Variants in TUSC3 observed in about 807,000 individuals in gnomAD.
The protein encoded by TUSC3 is dolichyl-diphosphooligosaccharide--protein glycosyltransferase subunit TUSC3.
TUSC3 carries 45 observed loss-of-function variants against 44.8 expected under a neutral mutation model. The ratio of observed to expected loss-of-function variants is 1.00; its 90% CI spans 0.79 to 1.29. The LOEUF is 1.29. TUSC3 is among the 50% of genes most tolerant of loss of function. TUSC3 has a pLI of 0.00. For missense variants in TUSC3, 519 were observed against 437.9 expected (o/e 1.19, Z -1.65); for synonymous variants, 212 against 152.9 (o/e 1.39, Z -2.85).
intron 9 of TUSC3, among the ~76,000 whole-genome samples, chr8:15,750,715 T>TA (rs1473564694): frequency 6.6e-6 from 1 of 152,136 alleles, no homozygotes; most frequent in Non-Finnish European, 1.5e-5. Flanking sequence ...ACATGCCACT[T>TA]ACGTTATTTC....
downstream of TUSC3, among the ~76,000 whole-genome samples, chr8:15,770,526 CATGTATCCCAGAACTTA>C (rs937608605): frequency 1.3e-5 from 2 of 152,062 alleles, no homozygotes; most frequent in African/African-American, 4.8e-5. Flanking sequence ...ATGTTTTGCA[CATGTATCCCAGAACTTA>C]AAGTATAATT....
chr8:15,541,109 TGA>T (rs1263394035), intron 1 of TUSC3, among the ~76,000 whole-genome samples: 1 of 152,198 alleles, frequency 6.6e-6, no homozygotes, highest in African/African-American at 2.4e-5. Flanking sequence ...CAGAACATAT[TGA>T]GAGTGTGTTT....
intron 1 of TUSC3, among the ~76,000 whole-genome samples, chr8:15,426,397 C>T (rs987563136): frequency 3.9e-5 from 6 of 152,120 alleles, no homozygotes; most frequent in African/African-American, 9.7e-5. Flanking sequence ...TTAAAAATTC[C>T]CCAGTTTCCC....
rs189790433 is a variant in TUSC3 at position 15,430,468 on chromosome 8, G to C, written n.91+13163G>C. Among the ~76,000 whole-genome samples, 9 of 150,548 alleles carry C rather than the reference G, an allele frequency of 6.0e-5. No homozygotes were observed. The East Asian group carries it at 1.7e-3, about 29-fold the overall frequency. ...AACTCTCAATAAATTAAGTATTGAT[G>C]GGATGTATCTCAAAATAATAAGAGC... On this transcript the variant is annotated intron_variant and non_coding_transcript_variant, in intron 1 of 5. Coordinates refer to the TUSC3 transcript ENST00000503191.
chr8:15,795,270 C>G, the TUSC3 span, among the ~76,000 whole-genome samples: 1 of 152,146 alleles, frequency 6.6e-6, no homozygotes, highest in South Asian at 2.1e-4. Flanking sequence ...TGCAAAGACC[C>G]TGCCTTGGCT....
chr8:15,526,482 C>A (rs951814491), intron 2 of TUSC3, among the ~76,000 whole-genome samples: 1 of 152,122 alleles, frequency 6.6e-6, no homozygotes. Flanking sequence ...GTGGGAGGGA[C>A]CCAGTGGGAG....
chr8:15,539,056 T>C (rs1177884486), upstream of TUSC3, among the ~76,000 whole-genome samples: 1 of 151,730 alleles, frequency 6.6e-6, no homozygotes, highest in Non-Finnish European at 1.5e-5. Context: ...TCTCACTATC[T>C]TGCCCAGGCT....
chr8:15,787,806 T>C, the TUSC3 span, among the ~76,000 whole-genome samples: 4 of 152,196 alleles, frequency 2.6e-5, no homozygotes, highest in African/African-American at 7.2e-5. Flanking sequence ...TTAAGACCGT[T>C]CACGTAATTT....
chr8:15,479,316 T>G (rs1800626912), intron 1 of TUSC3, among the ~76,000 whole-genome samples: 1 of 152,200 alleles, frequency 6.6e-6, no homozygotes. Flanking sequence ...TTTTTGCTTT[T>G]GTTGTAATTG....
At chr8:15,683,573 C>T (rs1245833783) in intron 6 of TUSC3, among the ~76,000 whole-genome samples, 2 of 152,068 alleles carry the variant, frequency 1.3e-5, no homozygotes, top group Admixed American at 1.3e-4. Context: ...GATTGGAGTT[C>T]AGCTTCCTCT....
chr8:15,810,195 G>A, the TUSC3 span, among the ~76,000 whole-genome samples: 1 of 152,068 alleles, frequency 6.6e-6, no homozygotes, highest in East Asian at 1.9e-4. Flanking sequence ...CAGAAATTTG[G>A]GGGTGGGGCT....
At chr8:15,506,512 T>C (rs1801051990) in intron 2 of TUSC3, among the ~76,000 whole-genome samples, 1 of 152,164 alleles carries the variant, frequency 6.6e-6, no homozygotes, top group South Asian at 2.1e-4. Context: ...GACTGGGTAA[T>C]TTGTAAAGAA....
chr8:15,554,307 G>A (rs1802162428), intron 1 of TUSC3, among the ~76,000 whole-genome samples: 1 of 151,722 alleles, frequency 6.6e-6, no homozygotes, highest in African/African-American at 2.4e-5. Context: ...ACTTTAGCCT[G>A]TGAAATGCAA....
At chr8:15,526,339 T>G (rs1801372923) in intron 2 of TUSC3, among the ~76,000 whole-genome samples, 3 of 152,114 alleles carry the variant, frequency 2.0e-5, no homozygotes, top group African/African-American at 7.2e-5. Flanking sequence ...GCTAGGGAAA[T>G]TCATCTTGAT....
chr8:15,577,634 T>C (rs1249520470), intron 1 of TUSC3, among the ~76,000 whole-genome samples: 16 of 146,886 alleles, frequency 1.1e-4, no homozygotes, highest in South Asian at 6.8e-4. Context: ...AGATATGCGG[T>C]GTTATTTCTG....
At chr8:15,850,111 C>CTTTT in the TUSC3 span, among the ~76,000 whole-genome samples, 6 of 145,322 alleles carry the variant, frequency 4.1e-5, no homozygotes, top group African/African-American at 1.5e-4. Context: ...CTTGTTTATC[C>CTTTT]TTTTTTTTTT....
At chr8:15,851,040 G>C in the TUSC3 span, among the ~76,000 whole-genome samples, 1 of 152,186 alleles carries the variant, frequency 6.6e-6, no homozygotes, top group Non-Finnish European at 1.5e-5. Context: ...ATTGGTTCTA[G>C]TGAACAGGTG....
intron 1 of TUSC3, among the ~76,000 whole-genome samples, chr8:15,602,838 A>T (rs1361940536): frequency 6.6e-6 from 1 of 151,632 alleles, no homozygotes; most frequent in Non-Finnish European, 1.5e-5. Context: ...ATACAAAGAA[A>T]AAAGGAACTG....
At chr8:15,586,162 G>C (rs1454058897) in intron 1 of TUSC3, among the ~76,000 whole-genome samples, 1 of 152,184 alleles carries the variant, frequency 6.6e-6, no homozygotes, top group Non-Finnish European at 1.5e-5. Flanking sequence ...ATATTTGCCT[G>C]TTAAAAGGTC....
Sources: allele counts gnomAD v4.1 joint callset (sites outside exome capture counted in the v4.1 genomes callset), GRCh38; gene constraint gnomAD v4.1.1; transcripts MANE v1.5; gene names NCBI Gene and HGNC (gene_info 2026-07-23, HGNC 2026-07-21).